Variants in PDE4D observed in about 807,000 individuals in gnomAD.
PDE4D encodes the protein phosphodiesterase 4D, also known as 3',5'-cyclic-AMP phosphodiesterase 4D.
A neutral mutation model predicts 87.4 loss-of-function variants in PDE4D; 24 were observed. The observed-to-expected ratio is 0.27, with a 90% confidence interval of 0.20 to 0.39. The LOEUF (loss-of-function observed/expected upper bound fraction) is 0.39. Ranked by LOEUF, PDE4D falls within the 10% of genes least tolerant of loss-of-function variation. The pLI is 1.00. For missense variants in PDE4D, 714 were observed against 1,041.0 expected (o/e 0.69, Z 4.32); for synonymous variants, 384 against 383.2 (o/e 1.00, Z -0.02).
intron 1 of PDE4D, among the ~76,000 whole-genome samples, chr5:59,716,293 A>G (rs565631378): frequency 1.3e-5 from 2 of 152,338 alleles, no homozygotes; most frequent in East Asian, 1.9e-4. Context: ...GACGCTGTAC[A>G]TACATCTTGC....
At chr5:59,200,016 T>C (rs1412849976) in intron 2 of PDE4D, among the ~76,000 whole-genome samples, 6 of 108,852 alleles carry the variant, frequency 5.5e-5, no homozygotes, top group South Asian at 3.0e-4. Flanking sequence ...CATACATACA[T>C]GCACATATAC....
chr5:59,610,751 G>T (rs1315180883), intron 1 of PDE4D, among the ~76,000 whole-genome samples: 4 of 152,110 alleles, frequency 2.6e-5, no homozygotes, highest in African/African-American at 9.7e-5. Context: ...AAGTAAACGA[G>T]GGGGAAAAGG....
chr5:59,521,824 T>C (rs1032793229), intron 1 of PDE4D, among the ~76,000 whole-genome samples: 7 of 152,222 alleles, frequency 4.6e-5, no homozygotes, highest in African/African-American at 1.7e-4. Flanking sequence ...ACACTTGTAA[T>C]TCTAGATCTG....
intron 1 of PDE4D, among the ~76,000 whole-genome samples, chr5:60,276,341 T>A (rs1751364796): frequency 6.6e-6 from 1 of 152,242 alleles, no homozygotes; most frequent in Non-Finnish European, 1.5e-5. Context: ...CTAAATTTTC[T>A]TGGTGAAGTG....
intron 1 of PDE4D, among the ~76,000 whole-genome samples, chr5:60,458,218 CT>C (rs1369589253): frequency 6.6e-6 from 1 of 151,950 alleles, no homozygotes; most frequent in East Asian, 1.9e-4. Flanking sequence ...AACCCCATCT[CT>C]ACTAAAAGTA....
intron 1 of PDE4D, among the ~76,000 whole-genome samples, chr5:59,303,930 G>C (rs1770762307): frequency 6.6e-6 from 1 of 152,062 alleles, no homozygotes; most frequent in East Asian, 1.9e-4. Context: ...TGTGAAGAAT[G>C]ATGGTGTTAT....
At chr5:59,533,620 C>G (rs937005675) in intron 1 of PDE4D, among the ~76,000 whole-genome samples, 2 of 152,152 alleles carry the variant, frequency 1.3e-5, no homozygotes, top group Non-Finnish European at 2.9e-5. Context: ...AAAACTCAAC[C>G]AATAAAATTG....
intron 1 of PDE4D, among the ~76,000 whole-genome samples, chr5:59,469,914 C>G (rs1045078043): frequency 4.6e-5 from 7 of 151,992 alleles, no homozygotes; most frequent in Non-Finnish European, 8.8e-5. Flanking sequence ...TTGGTCAAAA[C>G]CAAGAAGCAC....
chr5:59,884,734 AT>A (rs1749917506), intron 1 of PDE4D, among the ~76,000 whole-genome samples: 1 of 151,938 alleles, frequency 6.6e-6, no homozygotes, highest in African/African-American at 2.4e-5. Context: ...TGTTTTCCTG[AT>A]TTATACTTCC....
At chr5:59,841,647 A>ATGCTAGAAAGGAAACACTAGTG (rs1743006908) in intron 1 of PDE4D, among the ~76,000 whole-genome samples, 1 of 152,038 alleles carries the variant, frequency 6.6e-6, no homozygotes, top group African/African-American at 2.4e-5. Flanking sequence ...ATTACAATTC[A>ATGCTAGAAAGGAAACACTAGTG]ATGAGATGAG....
intron 3 of PDE4D, among the ~76,000 whole-genome samples, chr5:59,916,847 G>A (rs1754102643): frequency 6.6e-6 from 1 of 151,286 alleles, no homozygotes; most frequent in African/African-American, 2.4e-5. Context: ...GAGTGCAATG[G>A]TGCAATCTCA....
At chr5:59,645,237 C>T (rs1243421673) in intron 1 of PDE4D, among the ~76,000 whole-genome samples, 2 of 152,108 alleles carry the variant, frequency 1.3e-5, no homozygotes, top group Non-Finnish European at 2.9e-5. Context: ...GTGGATTTAC[C>T]GTGAGGCTAG....
At chr5:59,548,221 A>T (rs968302504) in intron 1 of PDE4D, among the ~76,000 whole-genome samples, 1 of 152,164 alleles carries the variant, frequency 6.6e-6, no homozygotes, top group East Asian at 1.9e-4. Flanking sequence ...TAAAGGAGAA[A>T]ACTCTAATAC....
At chr5:59,939,565 A>G (rs534175738) in intron 3 of PDE4D, among the ~76,000 whole-genome samples, 16 of 152,172 alleles carry the variant, frequency 1.1e-4, no homozygotes, top group Non-Finnish European at 2.2e-4. Flanking sequence ...GACTGTGCTG[A>G]GGTGTCAGAG....
chr5:59,406,249 T>G (rs543155630), intron 1 of PDE4D, among the ~76,000 whole-genome samples: 1 of 152,304 alleles, frequency 6.6e-6, no homozygotes, highest in African/African-American at 2.4e-5. Context: ...GGTTAAATCT[T>G]GGTAGGTTGT....
intron 1 of PDE4D, among the ~76,000 whole-genome samples, chr5:59,379,661 T>C (rs1785393305): frequency 6.6e-6 from 1 of 152,206 alleles, no homozygotes; most frequent in African/African-American, 2.4e-5. Context: ...AATATGAAAA[T>C]TTATTTAAAC....
intron 1 of PDE4D, among the ~76,000 whole-genome samples, chr5:60,298,654 A>T (rs1480576758): frequency 6.6e-6 from 1 of 152,164 alleles, no homozygotes; most frequent in Non-Finnish European, 1.5e-5. Flanking sequence ...TTTCTCTACT[A>T]AGAACGATTT....
At chr5:60,465,082 C>T (rs1380385479) in intron 1 of PDE4D, among the ~76,000 whole-genome samples, 2 of 151,564 alleles carry the variant, frequency 1.3e-5, no homozygotes, top group African/African-American at 4.8e-5. Flanking sequence ...GCACTCCAGC[C>T]TAAGTGACAG....
intron 1 of PDE4D, among the ~76,000 whole-genome samples, chr5:59,875,584 G>A (rs1000165066): frequency 2.0e-5 from 3 of 149,982 alleles, no homozygotes; most frequent in Non-Finnish European, 4.4e-5. Flanking sequence ...CACTTTAAAT[G>A]GTGCACCTCT....
Sources: gnomAD v4.1 joint callset for allele counts (sites outside exome capture counted in the v4.1 genomes callset) on GRCh38, gnomAD v4.1.1 for gene constraint, MANE v1.5 for transcripts, NCBI Gene and HGNC (gene_info 2026-07-23, HGNC 2026-07-21) for gene names.